The following PMM2 variants were observed in gnomAD, a reference collection of about 807,000 sequenced individuals.
PMM2 encodes the protein mannose-6-phosphate isomerase.
A neutral mutation model predicts 33.2 loss-of-function variants in PMM2; 35 were observed. The ratio of observed to expected loss-of-function variants is 1.06; its 90% CI spans 0.81 to 1.40. The LOEUF (loss-of-function observed/expected upper bound fraction) is 1.40. PMM2 is among the 40% of genes most tolerant of loss of function. The pLI, the probability that PMM2 is intolerant of heterozygous loss-of-function variation, is 0.00. For synonymous variants in PMM2, 153 were observed against 114.7 expected, an observed-to-expected ratio of 1.33 and a Z score of -2.13; for missense variants, 386 against 306.0, an observed-to-expected ratio of 1.26 and a Z score of -1.95.
chr16:8,840,693 C>T (rs1447822361), intron 7 of PMM2, among the ~76,000 whole-genome samples: 4 of 151,644 alleles, frequency 2.6e-5, no homozygotes, highest in South Asian at 2.1e-4. Context: ...GCTGGCTGTC[C>T]GATGGACACA....
intron 1 of PMM2, among the ~76,000 whole-genome samples, chr16:8,798,973 C>A (rs2060595555): frequency 6.6e-6 from 1 of 152,178 alleles, no homozygotes; most frequent in African/African-American, 2.4e-5. Context: ...CTCCCAAGTT[C>A]TTCAAAGGCT....
At chr16:8,807,372 G>C (rs149131170) in intron 4 of PMM2, among the ~76,000 whole-genome samples, 2 of 152,106 alleles carry the variant, frequency 1.3e-5, no homozygotes, top group Non-Finnish European at 2.9e-5. Context: ...TGGCTACTCC[G>C]GCTCCCAGTT....
intron 6 of PMM2, among the ~76,000 whole-genome samples, chr16:8,812,093 A>G (rs2060681010): frequency 6.6e-6 from 1 of 152,244 alleles, no homozygotes; most frequent in South Asian, 2.1e-4. Context: ...TGAACCCCTT[A>G]GGTAAACTAG....
chr16:8,842,001 C>T (rs1302886660), intron 7 of PMM2, among the ~76,000 whole-genome samples: 2 of 151,004 alleles, frequency 1.3e-5, no homozygotes, highest in Non-Finnish European at 2.9e-5. Flanking sequence ...ATTAAAGCAG[C>T]GGCAGCCGCT....
intron 7 of PMM2, among the ~76,000 whole-genome samples, chr16:8,828,380 C>G (rs1400390103): frequency 6.6e-6 from 1 of 152,122 alleles, no homozygotes; most frequent in African/African-American, 2.4e-5. Flanking sequence ...AGCACCCATT[C>G]CGTAAGCTGG....
At chr16:8,802,265 C>A (rs977279307) in intron 2 of PMM2, 1 of 452,852 alleles carries the variant, frequency 2.2e-6, no homozygotes, top group South Asian at 1.6e-5. Flanking sequence ...TGACAGCCCC[C>A]CTCACCTCCC....
intron 7 of PMM2, among the ~76,000 whole-genome samples, chr16:8,830,035 ACAGATACCCTGTGATGGGGCTACAGT>A (rs1052111754): frequency 2.6e-5 from 4 of 152,176 alleles, no homozygotes; most frequent in African/African-American, 9.7e-5. Flanking sequence ...GGGGCTACAG[ACAGATACCCTGTGATGGGGCTACAGT>A]TACAGGACGT....
chr16:8,826,062 T>C (rs2060766111), intron 7 of PMM2, among the ~76,000 whole-genome samples: 1 of 152,242 alleles, frequency 6.6e-6, no homozygotes, highest in Non-Finnish European at 1.5e-5. Context: ...CATAAAACCC[T>C]ATTATTTTGA....
intron 5 of PMM2, 90 bp downstream of exon 5, chr16:8,811,268 C>CT: frequency 1.1e-6 from 1 of 920,256 alleles, no homozygotes. Context: ...GTAATCCCAA[C>CT]ACTTTGGGAG....
intron 1 of PMM2, among the ~76,000 whole-genome samples, chr16:8,799,585 G>A (rs1407427116): frequency 6.6e-6 from 1 of 150,898 alleles, no homozygotes; most frequent in African/African-American, 2.4e-5. Flanking sequence ...GTCTCACTCT[G>A]TCACCAGACT....
At chr16:8,827,882 A>ATATGTT (rs1567164826) in intron 7 of PMM2, among the ~76,000 whole-genome samples, 2 of 105,838 alleles carry the variant, frequency 1.9e-5, no homozygotes, top group African/African-American at 7.1e-5. Context: ...TATGTTATAT[A>ATATGTT]ATATATGATA....
At chr16:8,806,631 G>T in intron 4 of PMM2, 1 of 585,178 alleles carries the variant, frequency 1.7e-6, no homozygotes, top group Non-Finnish European at 3.1e-6. Context: ...CTGGTTCACA[G>T]CAGGGTTCAG....
At chr16:8,818,848 A>G (rs760839939) in intron 7 of PMM2, among the ~76,000 whole-genome samples, 1 of 152,206 alleles carries the variant, frequency 6.6e-6, no homozygotes, top group Non-Finnish European at 1.5e-5. Flanking sequence ...TGGGCCTGGC[A>G]TGGAGTACCT....
At chr16:8,822,860 T>C (rs2060745586) in intron 7 of PMM2, among the ~76,000 whole-genome samples, 1 of 152,224 alleles carries the variant, frequency 6.6e-6, no homozygotes, top group African/African-American at 2.4e-5. Context: ...TATTCTCATC[T>C]ATAGTTTTAA....
At chr16:8,835,925 C>T (rs142408114) in intron 7 of PMM2, among the ~76,000 whole-genome samples, 22,031 of 151,418 alleles carry the variant, frequency 0.15, 1,805 homozygotes, top group East Asian at 0.24. Flanking sequence ...GGAAGAAGGG[C>T]GGCAATGAGA....
In PMM2 at chr16:8,826,104, T is replaced by A. The variant is rs558231406; in HGVS notation, c.639+12998T>A. 3.9e-5 allele frequency among the ~76,000 whole-genome samples: 6 copies of A among 152,318 alleles called. No individual in the cohort carries two copies. The South Asian group carries it at 1.0e-3, about 26-fold the overall frequency. On this transcript the variant is annotated intron_variant, in intron 7 of 7. Transcript: ENST00000268261. ...GGCCCAGATTCTGGCCCTGCATCAG[T>A]ATGCTTTTAATATTTAATTTATGGA...
intron 7 of PMM2, among the ~76,000 whole-genome samples, chr16:8,816,570 C>A (rs1318873984): frequency 7.1e-6 from 1 of 141,756 alleles, no homozygotes; most frequent in African/African-American, 2.5e-5. Context: ...GGAGAAACCC[C>A]GTCTCTACTA....
intron 7 of PMM2, among the ~76,000 whole-genome samples, chr16:8,815,352 C>T (rs750638908): frequency 6.6e-6 from 1 of 151,934 alleles, no homozygotes; most frequent in African/African-American, 2.4e-5. Context: ...CTCAGCCTCC[C>T]GATTAGTGGC....
At chr16:8,827,202 C>T (rs1279916391) in intron 7 of PMM2, among the ~76,000 whole-genome samples, 1 of 151,558 alleles carries the variant, frequency 6.6e-6, no homozygotes, top group East Asian at 1.9e-4. Flanking sequence ...TCTCTTTTTC[C>T]CAAGGAGTCC....
Sources: allele counts gnomAD v4.1 joint callset (sites outside exome capture counted in the v4.1 genomes callset), GRCh38; gene constraint gnomAD v4.1.1; transcripts MANE v1.5; gene names NCBI Gene and HGNC (gene_info 2026-07-23, HGNC 2026-07-21).